Variants in PDE4D observed in about 807,000 individuals in gnomAD.
The protein encoded by PDE4D is phosphodiesterase 4D.
In PDE4D, 24 loss-of-function variants were observed where a neutral mutation model predicts 87.4. That is an observed-to-expected ratio of 0.27 (90% CI 0.20 to 0.39). PDE4D has a LOEUF of 0.39. Ranked by LOEUF, PDE4D falls within the 10% of genes least tolerant of loss-of-function variation. The probability of loss-of-function intolerance (pLI) is 1.00; values close to 1 mark genes in which losing one functional copy is unlikely to be tolerated. For missense variants in PDE4D, 714 were observed against 1,041.0 expected, an observed-to-expected ratio of 0.69 and a Z score of 4.32; for synonymous variants, 384 against 383.2, an observed-to-expected ratio of 1.00 and a Z score of -0.02.
chr5:59,086,452 T>C (rs1286564512), intron 5 of PDE4D, among the ~76,000 whole-genome samples: 1 of 152,182 alleles, frequency 6.6e-6, no homozygotes, highest in African/African-American at 2.4e-5. Context: ...AATTTCTGCC[T>C]ACTTCTCAGC....
chr5:59,914,560 G>GCA (rs1162726278), intron 3 of PDE4D, among the ~76,000 whole-genome samples: 10 of 145,924 alleles, frequency 6.9e-5, no homozygotes, highest in African/African-American at 1.6e-4. Flanking sequence ...GTGTGTGTGT[G>GCA]TGTGCATGTG....
At chr5:59,970,085 C>T (rs1406475643) in intron 3 of PDE4D, among the ~76,000 whole-genome samples, 1 of 152,124 alleles carries the variant, frequency 6.6e-6, no homozygotes, top group East Asian at 1.9e-4. Context: ...ATGTTTGTAT[C>T]AGGAACAACG....
At chr5:59,660,755 A>G (rs1256059682) in intron 1 of PDE4D, among the ~76,000 whole-genome samples, 1 of 152,182 alleles carries the variant, frequency 6.6e-6, no homozygotes, top group East Asian at 1.9e-4. Context: ...AAGGCTAAGT[A>G]AAATAGTTCC....
chr5:59,705,132 CT>C (rs934465392), intron 1 of PDE4D, among the ~76,000 whole-genome samples: 2 of 152,012 alleles, frequency 1.3e-5, no homozygotes, highest in Non-Finnish European at 2.9e-5. Flanking sequence ...AGGGATTTTT[CT>C]TTTTTTGGAA....
At chr5:59,917,262 T>C (rs1754169007) in intron 3 of PDE4D, among the ~76,000 whole-genome samples, 1 of 152,186 alleles carries the variant, frequency 6.6e-6, no homozygotes, top group Non-Finnish European at 1.5e-5. Flanking sequence ...TTGATTCTGA[T>C]CTGTGTCATT....
intron 1 of PDE4D, among the ~76,000 whole-genome samples, chr5:60,305,072 A>ACAC: frequency 7.1e-6 from 1 of 140,152 alleles, no homozygotes; most frequent in African/African-American, 2.8e-5. Context: ...CACACACACA[A>ACAC]CACACAACAG....
chr5:59,988,772 C>T (rs900053177), intron 2 of PDE4D: 7 of 958,810 alleles, frequency 7.3e-6, no homozygotes, highest in South Asian at 3.0e-5. Context: ...CACTGTTTAT[C>T]ATTACATAAT....
intron 1 of PDE4D, among the ~76,000 whole-genome samples, chr5:59,745,219 C>A (rs945327563): frequency 6.6e-6 from 1 of 152,050 alleles, no homozygotes; most frequent in African/African-American, 2.4e-5. Context: ...CAGAAAGGTT[C>A]TCTTTTCAGG....
At chr5:59,032,720 A>C (rs574761747) in intron 6 of PDE4D, among the ~76,000 whole-genome samples, 2 of 152,336 alleles carry the variant, frequency 1.3e-5, no homozygotes, top group African/African-American at 4.8e-5. Context: ...TCTCTTTTTT[A>C]GTATATTCTA....
At chr5:59,458,801 T>C (rs1562225999) in intron 1 of PDE4D, among the ~76,000 whole-genome samples, 1 of 152,198 alleles carries the variant, frequency 6.6e-6, no homozygotes, top group African/African-American at 2.4e-5. Context: ...ACTCTGGATC[T>C]GCAATGAAAT....
chr5:59,261,348 T>C (rs1286940836), intron 1 of PDE4D, among the ~76,000 whole-genome samples: 1 of 151,836 alleles, frequency 6.6e-6, no homozygotes, highest in African/African-American at 2.4e-5. Flanking sequence ...TTATGCACAG[T>C]AACAAAGGAA....
intron 1 of PDE4D, among the ~76,000 whole-genome samples, chr5:59,714,165 T>C (rs1754645260): frequency 6.6e-6 from 1 of 152,194 alleles, no homozygotes; most frequent in South Asian, 2.1e-4. Flanking sequence ...AGTGACCCAC[T>C]CACAGATGTG....
At chr5:59,410,684 T>TA (rs34785566) in intron 1 of PDE4D, among the ~76,000 whole-genome samples, 13,532 of 152,188 alleles carry the variant, frequency 0.089, 703 homozygotes, top group Middle Eastern at 0.16. Context: ...ATTCTTTTTT[T>TA]ATGGCTGAAT....
chr5:59,778,650 T>A (rs1321653105), intron 1 of PDE4D, among the ~76,000 whole-genome samples: 1 of 152,186 alleles, frequency 6.6e-6, no homozygotes, highest in African/African-American at 2.4e-5. Flanking sequence ...TGAAAACACT[T>A]CAGTCTAAAC....
At chr5:59,985,616 T>C (rs576916258) in intron 3 of PDE4D, among the ~76,000 whole-genome samples, 1 of 152,336 alleles carries the variant, frequency 6.6e-6, no homozygotes, top group South Asian at 2.1e-4. Flanking sequence ...TTGTCTATTG[T>C]TTCTTTTGAA....
At chr5:60,329,255 T>C (rs1757095074) in intron 1 of PDE4D, among the ~76,000 whole-genome samples, 1 of 151,948 alleles carries the variant, frequency 6.6e-6, no homozygotes, top group Non-Finnish European at 1.5e-5. Context: ...GGGTGGGGGG[T>C]TACTTCCATG....
chr5:59,897,277 C>T (rs1751757779), upstream of PDE4D, among the ~76,000 whole-genome samples: 1 of 152,036 alleles, frequency 6.6e-6, no homozygotes, highest in African/African-American at 2.4e-5. Context: ...TGCTGCTGGG[C>T]AATTAACAAG....
intron 2 of PDE4D, among the ~76,000 whole-genome samples, chr5:60,095,765 C>G (rs181410654): frequency 1.3e-3 from 193 of 152,266 alleles, no homozygotes; most frequent in African/African-American, 4.4e-3. Flanking sequence ...TGTTTCCTGA[C>G]TTTTTAATGA....
chr5:59,498,054 A>T (rs1321204002), intron 1 of PDE4D, among the ~76,000 whole-genome samples: 1 of 152,110 alleles, frequency 6.6e-6, no homozygotes, highest in African/African-American at 2.4e-5. Flanking sequence ...GCCAACCAAT[A>T]ATTTCATATC....
Sources: allele counts gnomAD v4.1 joint callset (sites outside exome capture counted in the v4.1 genomes callset), GRCh38; gene constraint gnomAD v4.1.1; transcripts MANE v1.5; gene names NCBI Gene and HGNC (gene_info 2026-07-23, HGNC 2026-07-21).